KIF13B: variants seen among roughly 807,000 people sequenced by gnomAD.
KIF13B encodes kinesin family member 13B, also known as kinesin-like protein KIF13B.
KIF13B carries 127 observed loss-of-function variants against 222.0 expected under a neutral mutation model. That is an observed-to-expected ratio of 0.57 (90% CI 0.50 to 0.66). The LOEUF is 0.66. KIF13B is among the 30% of genes least tolerant of loss of function. The probability of loss-of-function intolerance (pLI) is 0.00; values close to 1 mark genes in which losing one functional copy is unlikely to be tolerated. For synonymous variants in KIF13B, 976 were observed against 919.0 expected, an observed-to-expected ratio of 1.06 and a Z score of -1.12; for missense variants, 2,173 against 2,379.0, an observed-to-expected ratio of 0.91 and a Z score of 1.80.
chr8:29,160,922 T>C, intron 12 of KIF13B, 55 bp from the exon 13 acceptor site: 3 of 1,473,402 alleles, frequency 2.0e-6, no homozygotes, highest in Non-Finnish European at 2.8e-6. Flanking sequence ...CAGTGAGATA[T>C]CCAAGCGTTT....
chr8:29,183,122 C>T (rs1178270482), intron 6 of KIF13B, among the ~76,000 whole-genome samples: 1 of 147,652 alleles, frequency 6.8e-6, no homozygotes, highest in African/African-American at 2.5e-5. Flanking sequence ...TTGAACTACA[C>T]AAAATCTTTT....
At chr8:29,096,761 A>C (rs1808551205) in intron 36 of KIF13B, among the ~76,000 whole-genome samples, 1 of 152,088 alleles carries the variant, frequency 6.6e-6, no homozygotes, top group Non-Finnish European at 1.5e-5. Flanking sequence ...TATGAACTCT[A>C]AGCGATTTGA....
chr8:29,262,738 G>T (rs1258639703), intron 1 of KIF13B, among the ~76,000 whole-genome samples: 1 of 150,246 alleles, frequency 6.7e-6, no homozygotes, highest in Non-Finnish European at 1.5e-5. Flanking sequence ...GGAAGGGGCA[G>T]CGGGGCCGGC....
At chr8:29,149,171 G>A (rs1053842500) in intron 15 of KIF13B, among the ~76,000 whole-genome samples, 5 of 152,262 alleles carry the variant, frequency 3.3e-5, no homozygotes, top group East Asian at 1.9e-4. Flanking sequence ...GTAAAACAAC[G>A]GGATATTCAA....
In KIF13B at chr8:29,177,414, T is replaced by C. The variant is rs943216882; in HGVS notation, c.833+52A>G. 41 of 1,150,276 alleles carry C rather than the reference T, an allele frequency of 3.6e-5. No individual in the cohort carries two copies. In the African/African-American group the frequency reaches 5.7e-4, roughly 16 times the overall value. The allele number at this position is 1,150,276 out of a possible 1,614,324, so 71.3% of individuals were successfully genotyped here. A position where few individuals can be genotyped will look rare whatever the true frequency, so the allele number is the denominator to read the frequency against. On this transcript the variant is annotated intron_variant, in intron 9 of 39. Coordinates refer to ENST00000524189, the MANE Select transcript of KIF13B (RefSeq NM_015254.4). ...ATTTTAATAACCACAGATGTTCCCC[T>C]ATTGGCTATTAAATAAATAAAGCAA...
intron 12 of KIF13B, 93 bp from the exon 13 acceptor site, chr8:29,160,960 G>A: frequency 9.5e-7 from 1 of 1,057,862 alleles, no homozygotes; most frequent in South Asian, 1.6e-5. Flanking sequence ...TTATTCAATA[G>A]TGTTGTAATT....
chr8:29,180,262 C>T, intron 7 of KIF13B, 24 bp from the exon 8 acceptor site: 1 of 1,613,050 alleles, frequency 6.2e-7, no homozygotes, highest in Non-Finnish European at 8.5e-7. Context: ...AGTCATAGAC[C>T]CACGTTTCAT....
At chr8:29,158,007 T>A (rs1811614047) in intron 13 of KIF13B, among the ~76,000 whole-genome samples, 1 of 152,174 alleles carries the variant, frequency 6.6e-6, no homozygotes. Context: ...TACATCGGCC[T>A]CCCATCTGTT....
At position 29,070,217 on chromosome 8, in the gene KIF13B, C is replaced by T. The variant is rs1415953501; in HGVS notation, c.*287G>A. The T allele has an allele frequency of 1.2e-5, 6 of 496,650 alleles. No homozygotes were observed. The highest frequency in any genetic ancestry group is 3.9e-5 in the East Asian group (1 of 25,338). 30.8% of individuals were successfully genotyped at this position (496,650 alleles called of 1,614,324 possible). A position where few individuals can be genotyped will look rare whatever the true frequency, so the allele number is the denominator to read the frequency against. On this transcript the variant is annotated 3_prime_UTR_variant, in exon 40 of 40. Coordinates refer to ENST00000524189, the MANE Select transcript of KIF13B (RefSeq NM_015254.4). The surrounding 1 kb of genome is among the most constrained non-coding windows in gnomAD (Gnocchi z 4.1). ...ACAGGCACACAGCAAGATCACCAGG[C>T]GCTGCACCACCCAGGGTCTCAGTCC...
intron 2 of KIF13B, among the ~76,000 whole-genome samples, chr8:29,227,057 T>C (rs530084739): frequency 1.0e-3 from 156 of 152,324 alleles, no homozygotes; most frequent in Non-Finnish European, 1.7e-3. Flanking sequence ...ATTACTCTTT[T>C]AGGATGCATC....
intron 15 of KIF13B, among the ~76,000 whole-genome samples, chr8:29,149,841 A>G (rs1180887609): frequency 6.6e-6 from 1 of 152,216 alleles, no homozygotes; most frequent in East Asian, 1.9e-4. Context: ...TGTCAGGGGA[A>G]TAAATGATCT....
chr8:29,250,729 G>A (rs1174639302), intron 1 of KIF13B, among the ~76,000 whole-genome samples: 3 of 152,120 alleles, frequency 2.0e-5, no homozygotes, highest in Non-Finnish European at 2.9e-5. Flanking sequence ...AGAACATCTA[G>A]GACACATGCC....
At chr8:29,131,923 G>A (rs1177427862) in intron 23 of KIF13B, among the ~76,000 whole-genome samples, 1 of 152,122 alleles carries the variant, frequency 6.6e-6, no homozygotes, top group Non-Finnish European at 1.5e-5. Flanking sequence ...ATAAATGGCA[G>A]TACTAATCTC....
Position 29,113,561 on chromosome 8 carries a change from G to C in KIF13B, c.3838-6C>G. ...AGGAGACTCTGTGCAAAACCCTAGA[G>C]AAAAACAAAATAGAAGATATGGTTT... On this transcript the variant is annotated splice_region_variant and splice_polypyrimidine_tract_variant and intron_variant, in intron 31 of 39. Transcript: ENST00000524189. The C allele has an allele frequency of 6.5e-7, 1 of 1,539,654 alleles. No homozygotes were observed. The highest frequency in any genetic ancestry group is 8.9e-7 in the Non-Finnish European group (1 of 1,129,248).
At chr8:29,171,387 A>G (rs950843327) in intron 10 of KIF13B, among the ~76,000 whole-genome samples, 18 of 152,222 alleles carry the variant, frequency 1.2e-4, no homozygotes, top group African/African-American at 4.1e-4. Flanking sequence ...TGTTACACAC[A>G]TTAAGAGCAC....
At chr8:29,249,531 G>A (rs1469904869) in intron 1 of KIF13B, among the ~76,000 whole-genome samples, 3 of 151,522 alleles carry the variant, frequency 2.0e-5, no homozygotes, top group East Asian at 3.9e-4. Context: ...AAATGTCAAT[G>A]TCATATTCAT....
At chr8:29,122,541 AG>A (rs755870901) in intron 29 of KIF13B, 49 bp downstream of exon 29, 38 of 1,447,880 alleles carry the variant, frequency 2.6e-5, no homozygotes, top group Non-Finnish European at 3.6e-5. Context: ...CATGTTATGT[AG>A]GCACTAAATT....
intron 13 of KIF13B, among the ~76,000 whole-genome samples, chr8:29,158,836 C>CA (rs11400700): frequency 0.06 from 9,211 of 152,260 alleles, 582 homozygotes; most frequent in African/African-American, 0.15. Flanking sequence ...TGACCAGAAA[C>CA]TTTGATGACT....
intron 26 of KIF13B, among the ~76,000 whole-genome samples, chr8:29,125,001 G>T (rs1432697985): frequency 6.6e-6 from 1 of 152,118 alleles, no homozygotes; most frequent in Non-Finnish European, 1.5e-5. Flanking sequence ...AATGAGCCAA[G>T]ATCACTCCAC....
Sources: allele counts gnomAD v4.1 joint callset (sites outside exome capture counted in the v4.1 genomes callset), GRCh38; gene constraint gnomAD v4.1.1; non-coding constraint Gnocchi (gnomAD v3.1); transcripts MANE v1.5; gene names NCBI Gene and HGNC (gene_info 2026-07-23, HGNC 2026-07-21).